MAP2K5: variants seen among roughly 807,000 people sequenced by gnomAD.
MAP2K5 encodes mitogen-activated protein kinase kinase 5.
MAP2K5 carries 49 observed loss-of-function variants against 83.1 expected under a neutral mutation model. That is an observed-to-expected ratio of 0.59 (90% confidence interval 0.47 to 0.75). The LOEUF (loss-of-function observed/expected upper bound fraction) is 0.75, where lower values mean the gene tolerates loss of function less well. Ranked by LOEUF, MAP2K5 falls within the 30% of genes least tolerant of loss-of-function variation. The pLI is 0.00. For synonymous variants in MAP2K5, 202 were observed against 191.8 expected (o/e 1.05, Z -0.44); for missense variants, 457 against 557.5 (o/e 0.82, Z 1.82).
chr15:67,566,416 T>C (rs553941764), intron 3 of MAP2K5, among the ~76,000 whole-genome samples: 1 of 152,240 alleles, frequency 6.6e-6, no homozygotes, highest in South Asian at 2.1e-4. Context: ...TCTCAAGTGA[T>C]CCGCACACCT....
chr15:67,769,702 A>T lies in MAP2K5; in HGVS notation c.1196+39A>T. ...CAAACATGCCATGCCCTCAATGTAAATGATACATGCCATTAACTCGGCAGC... is the reference window on the plus strand; with the variant it reads ...CAAACATGCCATGCCCTCAATGTAATTGATACATGCCATTAACTCGGCAGC... On this transcript the variant is annotated intron_variant, in intron 20 of 21. Transcript: ENST00000178640. This position sits in a 1 kb window ranked among gnomAD's most constrained non-coding sequence, Gnocchi z 5.2. The T allele has an allele frequency of 6.2e-7, 1 of 1,601,542 alleles. No individual in the cohort carries two copies. Among genetic ancestry groups the T allele is most frequent in the Non-Finnish European group, 8.6e-7 (1 of 1,169,012 alleles).
At chr15:67,618,011 AAGATTATTCTAGAAATTC>A (rs2086093107) in intron 8 of MAP2K5, among the ~76,000 whole-genome samples, 1 of 152,140 alleles carries the variant, frequency 6.6e-6, no homozygotes, top group Admixed American at 6.5e-5. Context: ...CTTACCTTTA[AAGATTATTCTAGAAATTC>A]AGTTTATTCT....
chr15:67,756,041 G>C (rs750320335), intron 19 of MAP2K5, among the ~76,000 whole-genome samples: 2 of 152,178 alleles, frequency 1.3e-5, no homozygotes, highest in Non-Finnish European at 2.9e-5. Context: ...GAGAAAGCCA[G>C]CATCTCTCCC....
chr15:67,686,911 G>A (rs2087973003), intron 13 of MAP2K5, among the ~76,000 whole-genome samples: 1 of 152,096 alleles, frequency 6.6e-6, no homozygotes, highest in Non-Finnish European at 1.5e-5. Flanking sequence ...TGAGACAGTG[G>A]TTAAAACAGT....
intron 17 of MAP2K5, among the ~76,000 whole-genome samples, chr15:67,743,835 A>G (rs8038804): frequency 0.98 from 149,256 of 152,326 alleles, 73,203 homozygotes; most frequent in East Asian, 1. Flanking sequence ...GAATCTTTGG[A>G]CTTCTCTAGC....
intron 15 of MAP2K5, among the ~76,000 whole-genome samples, chr15:67,700,961 T>C (rs2088401715): frequency 6.6e-6 from 1 of 152,008 alleles, no homozygotes; most frequent in South Asian, 2.1e-4. Context: ...TATGCTTTAT[T>C]ATCAGCTTAC....
chr15:67,621,251 A>G (rs1038376003), intron 8 of MAP2K5, among the ~76,000 whole-genome samples: 1 of 152,154 alleles, frequency 6.6e-6, no homozygotes, highest in Admixed American at 6.5e-5. Flanking sequence ...AATACCATGT[A>G]TTAATATGAA....
intron 1 of MAP2K5, among the ~76,000 whole-genome samples, chr15:67,548,576 A>G (rs1411718585): frequency 6.6e-6 from 1 of 152,232 alleles, no homozygotes; most frequent in African/African-American, 2.4e-5. Context: ...GAGGAAAGTG[A>G]GGCACAGAGA....
In MAP2K5 at chr15:67,779,180, C is replaced by G. The variant is rs937500985; in HGVS notation, c.1242+6428C>G. On this transcript the variant is annotated intron_variant, in intron 21 of 21. Transcript: ENST00000178640. This position sits in a 1 kb window ranked among gnomAD's most constrained non-coding sequence, Gnocchi z 4.6. ...AAAAGTCATCACAACAGCAAGGGGG[C>G]CCCACGTAGGGTCCAGCTGACAACC... Among the ~76,000 whole-genome samples the G allele has an allele frequency of 4.6e-5, 7 of 152,106 alleles. No homozygotes were observed. The highest frequency in any genetic ancestry group is 1.0e-4 in the Non-Finnish European group (7 of 68,028).
chr15:67,685,322 A>C (rs1030567449), intron 13 of MAP2K5, among the ~76,000 whole-genome samples: 19 of 152,356 alleles, frequency 1.2e-4, no homozygotes, highest in African/African-American at 4.3e-4. Context: ...TGAAAGAAAG[A>C]AATTATTCCA....
At chr15:67,664,694 T>G in intron 13 of MAP2K5, 49 bp downstream of exon 13, 12 of 1,165,896 alleles carry the variant, frequency 1.0e-5, no homozygotes, top group African/African-American at 1.5e-5. Context: ...TGGGGTTGGG[T>G]CTCTCCAGAT....
intron 1 of MAP2K5, chr15:67,549,130 A>G (rs2140943069): frequency 6.5e-7 from 1 of 1,535,484 alleles, no homozygotes; most frequent in East Asian, 2.4e-5. Context: ...ACACTGTGGC[A>G]GAGCTCCTGG....
intron 5 of MAP2K5, 88 bp downstream of exon 5, chr15:67,586,018 T>G (rs1698849505): frequency 8.3e-7 from 1 of 1,202,170 alleles, no homozygotes; most frequent in Non-Finnish European, 1.2e-6. Context: ...AAACTGCACT[T>G]TCTCAAGCTC....
chr15:67,613,739 C>T (rs1376534591), intron 8 of MAP2K5, among the ~76,000 whole-genome samples: 1 of 151,636 alleles, frequency 6.6e-6, no homozygotes, highest in African/African-American at 2.4e-5. Flanking sequence ...GGAAGCTTCT[C>T]CATACTCATT....
chr15:67,557,507 AT>A (rs1447797822), intron 2 of MAP2K5, among the ~76,000 whole-genome samples: 2 of 152,138 alleles, frequency 1.3e-5, no homozygotes, highest in Non-Finnish European at 2.9e-5. Flanking sequence ...CTTCAACCCC[AT>A]TTTATACTCT....
rs774721613 is a variant in MAP2K5 at position 67,668,877 on chromosome 15, G to A, written c.847+4232G>A. Reference sequence around the variant, plus strand: ...GGAGTTTTTTTGTATATATGAACCTGGTTAGTTTCATTTACTTTCTCCAAT... The same window carrying A: ...GGAGTTTTTTTGTATATATGAACCTAGTTAGTTTCATTTACTTTCTCCAAT... On this transcript the variant is annotated intron_variant, in intron 13 of 21. Coordinates refer to ENST00000178640, the MANE Select transcript of MAP2K5 (RefSeq NM_145160.3). This position sits in a 1 kb window ranked among gnomAD's most constrained non-coding sequence, Gnocchi z 4.0. 6.6e-6 allele frequency among the ~76,000 whole-genome samples: 1 copy of A among 151,760 alleles called. No individual in the cohort carries two copies. The highest frequency in any genetic ancestry group is 1.5e-5 in the Non-Finnish European group (1 of 67,926).
At chr15:67,729,488 T>C (rs889009793) in intron 17 of MAP2K5, among the ~76,000 whole-genome samples, 19 of 152,222 alleles carry the variant, frequency 1.2e-4, no homozygotes, top group Middle Eastern at 3.4e-3. Context: ...GATTTTGCCA[T>C]GGCCAGGTGC....
At chr15:67,592,781 T>A in intron 6 of MAP2K5, 145 bp from the exon 7 acceptor site, 1 of 641,262 alleles carries the variant, frequency 1.6e-6, no homozygotes. Flanking sequence ...CAGTTACTTT[T>A]GAAAAAAATT....
chr15:67,692,642 C>A, intron 14 of MAP2K5, 90 bp downstream of exon 14: 1 of 959,244 alleles, frequency 1.0e-6, no homozygotes, highest in Non-Finnish European at 1.6e-6. Flanking sequence ...AATCACCTAG[C>A]TGCCAGACAA....
Sources: allele counts gnomAD v4.1 joint callset (sites outside exome capture counted in the v4.1 genomes callset), GRCh38; gene constraint gnomAD v4.1.1; non-coding constraint Gnocchi (gnomAD v3.1); transcripts MANE v1.5; gene names NCBI Gene and HGNC (gene_info 2026-07-23, HGNC 2026-07-21).